Variants in MCOLN2 observed in about 807,000 individuals in gnomAD.
MCOLN2 encodes the protein mucolipin-2.
MCOLN2 carries 57 observed loss-of-function variants against 67.5 expected under a neutral mutation model. That is an observed-to-expected ratio of 0.84 (90% CI 0.68 to 1.05). The LOEUF (loss-of-function observed/expected upper bound fraction) is 1.05, where lower values mean the gene tolerates loss of function less well. Ranked by LOEUF, MCOLN2 falls within the 50% of genes least tolerant of loss-of-function variation. MCOLN2 has a pLI of 0.00. For synonymous variants in MCOLN2, 246 were observed against 233.3 expected (o/e 1.05, Z -0.50); for missense variants, 620 against 678.8 (o/e 0.91, Z 0.96).
At chr1:84,952,048 C>A (rs1406998929) in intron 6 of MCOLN2, among the ~76,000 whole-genome samples, 195 bp downstream of exon 6, 3 of 152,052 alleles carry the variant, frequency 2.0e-5, no homozygotes, top group Admixed American at 2.0e-4. Flanking sequence ...GATCACGCCA[C>A]TGCACTCCAG....
Position 84,938,081 on chromosome 1 carries a change from T to G in MCOLN2, c.1112A>C (p.Asn371Thr), listed in dbSNP as rs769135777. ...GCTGCAGAGATCATAGTTTGTGAGA[T>G]TCTAAGGAATGAAAAAAAAGAAAGA... ...SILKMEIKAK[N>T]LTNYDLCSIF... The change falls in exon 10 of 14, where the codon AAT (asparagine) becomes ACT (threonine). Residue 371 changes from asparagine (N) to threonine (T), a missense_variant and splice_region_variant. By Grantham distance (65) the Asn-to-Thr change is moderately conservative. Transcript: ENST00000370608. The G allele has an allele frequency of 1.2e-6, 2 of 1,601,742 alleles. No individual in the cohort carries two copies. Among genetic ancestry groups the G allele is most frequent in the Non-Finnish European group, 1.7e-6 (2 of 1,173,752 alleles).
intron 4 of MCOLN2, among the ~76,000 whole-genome samples, chr1:84,955,712 C>T (rs1648746605): frequency 6.6e-6 from 1 of 152,084 alleles, no homozygotes; most frequent in Non-Finnish European, 1.5e-5. Flanking sequence ...CAAGTAGTGG[C>T]TTGGATGACA....
intron 1 of MCOLN2, among the ~76,000 whole-genome samples, chr1:84,977,223 A>G (rs778153342): frequency 6.6e-6 from 1 of 152,156 alleles, no homozygotes; most frequent in African/African-American, 2.4e-5. Flanking sequence ...CCTCATGGTA[A>G]CCTCAAACCA....
chr1:84,963,895 T>C (rs1465633085), intron 2 of MCOLN2, among the ~76,000 whole-genome samples: 1 of 152,226 alleles, frequency 6.6e-6, no homozygotes, highest in Non-Finnish European at 1.5e-5. Flanking sequence ...GCAATGATAT[T>C]TTATGCCTGG....
intron 1 of MCOLN2, among the ~76,000 whole-genome samples, chr1:84,991,474 G>A (rs1457262206): frequency 6.6e-6 from 1 of 152,166 alleles, no homozygotes; most frequent in South Asian, 2.1e-4. Context: ...TAGCTGAGTA[G>A]GGCAGGCAGA....
chr1:84,938,550 A>G (rs1028902116), intron 9 of MCOLN2, among the ~76,000 whole-genome samples: 2 of 152,246 alleles, frequency 1.3e-5, no homozygotes, highest in African/African-American at 4.8e-5. Flanking sequence ...ACACACAAAC[A>G]TGATTCTCAT....
chr1:84,981,200 T>C (rs992771502), intron 1 of MCOLN2, among the ~76,000 whole-genome samples: 4 of 152,326 alleles, frequency 2.6e-5, no homozygotes, highest in Non-Finnish European at 4.4e-5. Flanking sequence ...TCATACACTG[T>C]TGGTGGGACT....
At chr1:84,928,246 T>G (rs1250173216) in intron 13 of MCOLN2, among the ~76,000 whole-genome samples, 1 of 152,230 alleles carries the variant, frequency 6.6e-6, no homozygotes, top group Non-Finnish European at 1.5e-5. Context: ...TCTTGTTCCC[T>G]CAAATTCTTT....
At chr1:84,927,197 GTAAAAT>G (rs1360122700) in intron 13 of MCOLN2, among the ~76,000 whole-genome samples, 2 of 120,074 alleles carry the variant, frequency 1.7e-5, no homozygotes, top group Admixed American at 9.7e-5. Flanking sequence ...AGAATTTAAA[GTAAAAT>G]TAAAAAAAAA....
chr1:84,996,393 C>CAT (rs6143310), intron 1 of MCOLN2, among the ~76,000 whole-genome samples: 3,023 of 122,866 alleles, frequency 0.025, 64 homozygotes, highest in African/African-American at 0.04. Flanking sequence ...GTATATATTT[C>CAT]ATATATATAT....
chr1:84,983,719 C>T (rs1650371408), intron 1 of MCOLN2, among the ~76,000 whole-genome samples: 1 of 150,424 alleles, frequency 6.6e-6, no homozygotes, highest in Admixed American at 6.6e-5. Flanking sequence ...CCCTGTCACC[C>T]AGGCTGGAGT....
chr1:84,971,546 G>A (rs1450959059), intron 1 of MCOLN2, among the ~76,000 whole-genome samples: 1 of 122,266 alleles, frequency 8.2e-6, no homozygotes, highest in African/African-American at 3.0e-5. Flanking sequence ...ACACACACAC[G>A]ATATCTTATT....
rs78419461 is a variant in MCOLN2 at position 84,969,920 on chromosome 1, A to G, written c.78-4212T>C. Among the ~76,000 whole-genome samples, 421 of 152,346 alleles carry G rather than the reference A, an allele frequency of 2.8e-3. 1 individual carries two copies. Among genetic ancestry groups the G allele is most frequent in the Middle Eastern group, 0.017 (5 of 294 alleles). On this transcript the variant is annotated intron_variant, in intron 1 of 13. Transcript: ENST00000370608. ...GCTGGTGGGAAAGCCCATAAGAGTCATAATAGACGATGTGGTAAGTGCTAC... is the reference window on the plus strand; with the variant it reads ...GCTGGTGGGAAAGCCCATAAGAGTCGTAATAGACGATGTGGTAAGTGCTAC...
intron 1 of MCOLN2, among the ~76,000 whole-genome samples, chr1:84,989,058 A>G (rs1169696728): frequency 6.6e-6 from 1 of 152,140 alleles, no homozygotes; most frequent in Admixed American, 6.5e-5. Flanking sequence ...TATTTCCTTC[A>G]TAATTGCAAT....
chr1:84,992,402 A>G lies in MCOLN2; in HGVS notation c.77+4394T>C, dbSNP rs74351056. The stretch of plus-strand genomic sequence containing the variant: ...GACACAGTCTCTCATACCAGGAAAA[A>G]AGGGGCTGAGGCCCAAGCTCAAAAC... On this transcript the variant is annotated intron_variant, in intron 1 of 13. Transcript: ENST00000370608. Among the ~76,000 whole-genome samples, 617 of 152,352 alleles carry G rather than the reference A, an allele frequency of 4.0e-3. 1 individual carries two copies. Among genetic ancestry groups the G allele is most frequent in the African/African-American group, 0.014 (578 of 41,580 alleles).
chr1:84,949,431 G>A (rs1300155366), intron 6 of MCOLN2, among the ~76,000 whole-genome samples: 1 of 152,182 alleles, frequency 6.6e-6, no homozygotes, highest in Non-Finnish European at 1.5e-5. Context: ...GAGGTCAGGA[G>A]ATCAAGACCA....
At chr1:84,987,584 A>ATACATCTCTG (rs1557666025) in intron 1 of MCOLN2, among the ~76,000 whole-genome samples, 1 of 58,762 alleles carries the variant, frequency 1.7e-5, no homozygotes, top group Non-Finnish European at 3.2e-5. Flanking sequence ...ATACATAGAT[A>ATACATCTCTG]TATACATATG....
Position 84,931,536 on chromosome 1 carries a change from C to G in MCOLN2, c.1368G>C (p.Leu456=). The change falls in exon 12 of 14, where the codon CTG becomes CTC. Residue 456 remains leucine, a synonymous_variant. Transcript: ENST00000370608. The part of the protein sequence containing the change: ...FENLNTVAEC[L]FSLVNGDDMF... ...TGTCATCACCGTTGACCAGAGAAAA[C>G]AGACACTCAGCAACTGTGTTCAGAT... 1.2e-6 allele frequency: 2 copies of G among 1,614,068 alleles called. No homozygotes were observed. Among genetic ancestry groups the G allele is most frequent in the Non-Finnish European group, 1.7e-6 (2 of 1,179,982 alleles).
intron 7 of MCOLN2, among the ~76,000 whole-genome samples, chr1:84,946,607 T>C (rs76144226): frequency 0.042 from 6,375 of 152,298 alleles, 473 homozygotes; most frequent in African/African-American, 0.15. Context: ...CTTTGAGCTT[T>C]GGTCATGTCA....
Sources: gnomAD v4.1 joint callset for allele counts (sites outside exome capture counted in the v4.1 genomes callset) on GRCh38, gnomAD v4.1.1 for gene constraint, MANE v1.5 for transcripts, NCBI Gene and HGNC (gene_info 2026-07-23, HGNC 2026-07-21) for gene names.